The following LPAR1 variants were observed in gnomAD, a reference collection of about 807,000 sequenced individuals.
LPAR1 encodes LPA receptor 1.
In LPAR1, 5 loss-of-function variants were observed where a neutral mutation model predicts 23.8. The ratio of observed to expected loss-of-function variants is 0.21; its 90% confidence interval spans 0.11 to 0.44. The LOEUF (loss-of-function observed/expected upper bound fraction) is 0.44, where lower values mean the gene tolerates loss of function less well. Ranked by LOEUF, LPAR1 falls within the 20% of genes least tolerant of loss-of-function variation. The probability of loss-of-function intolerance (pLI) is 0.99; values close to 1 mark genes in which losing one functional copy is unlikely to be tolerated. For synonymous variants in LPAR1, 160 were observed against 164.7 expected (o/e 0.97, Z 0.22); for missense variants, 311 against 482.8 (o/e 0.64, Z 3.33).
chr9:110,910,212 G>A (rs993757131), intron 5 of LPAR1, among the ~76,000 whole-genome samples: 3 of 152,064 alleles, frequency 2.0e-5, no homozygotes, highest in Admixed American at 6.6e-5. Flanking sequence ...AAAGCGGCTG[G>A]TGTGTCTTTA....
chr9:110,972,685 G>T (rs138031532), intron 3 of LPAR1, among the ~76,000 whole-genome samples: 1 of 152,126 alleles, frequency 6.6e-6, no homozygotes, highest in Non-Finnish European at 1.5e-5. Context: ...AGTGGCTCAC[G>T]CCTATAATCT....
chr9:110,929,441 T>A (rs2094252072), intron 5 of LPAR1, among the ~76,000 whole-genome samples: 1 of 152,188 alleles, frequency 6.6e-6, no homozygotes, highest in African/African-American at 2.4e-5. Flanking sequence ...AGGGAAAAAT[T>A]CAATTTTGAC....
At chr9:111,033,336 C>T (rs756888731) in intron 2 of LPAR1, among the ~76,000 whole-genome samples, 113 of 152,094 alleles carry the variant, frequency 7.4e-4, no homozygotes, top group Non-Finnish European at 1.5e-3. Flanking sequence ...AAATCATCAC[C>T]ACCACCATGC....
chr9:110,926,019 C>G (rs770263323), intron 5 of LPAR1, among the ~76,000 whole-genome samples: 1 of 152,256 alleles, frequency 6.6e-6, no homozygotes, highest in African/African-American at 2.4e-5. Flanking sequence ...CTCCCGGGTT[C>G]GCGCCATTCT....
intron 1 of LPAR1, among the ~76,000 whole-genome samples, chr9:111,037,059 G>A (rs115982020): frequency 0.016 from 2,466 of 152,260 alleles, 56 homozygotes; most frequent in African/African-American, 0.056. Context: ...TTTTCCAAGT[G>A]TACAGTCTCC....
intron 5 of LPAR1, among the ~76,000 whole-genome samples, chr9:110,892,822 A>AGGCAGGC (rs1564386259): frequency 1.3e-3 from 111 of 86,222 alleles, no homozygotes; most frequent in East Asian, 5.7e-3. Context: ...GGAAGGAAGG[A>AGGCAGGC]AGGAAGGCAG....
At chr9:111,024,520 A>T (rs1184612055) in intron 2 of LPAR1, among the ~76,000 whole-genome samples, 1 of 146,960 alleles carries the variant, frequency 6.8e-6, no homozygotes, top group Admixed American at 6.9e-5. Context: ...ATATATATTT[A>T]TATATATGGG....
At chr9:111,008,173 CA>C (rs5899928) in intron 2 of LPAR1, among the ~76,000 whole-genome samples, 102 of 142,724 alleles carry the variant, frequency 7.1e-4, no homozygotes, top group East Asian at 1.2e-3. Flanking sequence ...GACTCCATCT[CA>C]AAAAAAAAAA....
chr9:110,893,526 T>A (rs2085237481), intron 5 of LPAR1, among the ~76,000 whole-genome samples: 1 of 152,232 alleles, frequency 6.6e-6, no homozygotes. Flanking sequence ...ATACCCTATG[T>A]GCATTACAAA....
chr9:111,018,560 T>C (rs918953097), intron 2 of LPAR1, among the ~76,000 whole-genome samples: 1 of 152,204 alleles, frequency 6.6e-6, no homozygotes, highest in Non-Finnish European at 1.5e-5. Context: ...GGATTCCAAC[T>C]AGATAAAATT....
chr9:110,912,023 T>C (rs1175905965), intron 5 of LPAR1, among the ~76,000 whole-genome samples: 1 of 152,048 alleles, frequency 6.6e-6, no homozygotes, highest in African/African-American at 2.4e-5. Flanking sequence ...GCAGAAACCC[T>C]TGGGTGATAG....
chr9:110,910,072 T>C (rs994048668), intron 5 of LPAR1, among the ~76,000 whole-genome samples: 4 of 152,130 alleles, frequency 2.6e-5, no homozygotes, highest in Admixed American at 6.6e-5. Context: ...TAGAGCAGGT[T>C]AGTTTCACAA....
intron 5 of LPAR1, among the ~76,000 whole-genome samples, chr9:110,928,048 T>A (rs2254824): frequency 0.57 from 86,716 of 151,878 alleles, 25,015 homozygotes; most frequent in East Asian, 0.63. Flanking sequence ...ACAATGGGTC[T>A]AAATGTCCCA....
chr9:110,889,710 C>T (rs2083482949), intron 5 of LPAR1, among the ~76,000 whole-genome samples: 1 of 152,148 alleles, frequency 6.6e-6, no homozygotes, highest in African/African-American at 2.4e-5. Context: ...CAGCTTTAGG[C>T]TTGTTTGCTG....
intron 2 of LPAR1, among the ~76,000 whole-genome samples, chr9:111,021,914 A>G (rs1346216388): frequency 6.8e-6 from 1 of 146,582 alleles, no homozygotes; most frequent in Non-Finnish European, 1.5e-5. Flanking sequence ...CAGTGAGCAG[A>G]GATCCCGCCA....
chr9:110,972,534 TAAAGGA>T (rs996690983), intron 3 of LPAR1, among the ~76,000 whole-genome samples: 2 of 152,032 alleles, frequency 1.3e-5, no homozygotes, highest in Non-Finnish European at 2.9e-5. Context: ...CATTAAATAA[TAAAGGA>T]ATTGAATAAT....
At chr9:111,031,195 C>A (rs1242361967) in intron 2 of LPAR1, among the ~76,000 whole-genome samples, 2 of 151,712 alleles carry the variant, frequency 1.3e-5, no homozygotes, top group Admixed American at 6.6e-5. Flanking sequence ...GTGTTTGTAT[C>A]CCTGAGTGAC....
At chr9:110,883,594 T>G (rs558509222) in intron 5 of LPAR1, among the ~76,000 whole-genome samples, 4 of 152,186 alleles carry the variant, frequency 2.6e-5, no homozygotes, top group Non-Finnish European at 5.9e-5. Context: ...ATATCATAAA[T>G]GTGATGCCCT....
intron 4 of LPAR1, among the ~76,000 whole-genome samples, chr9:110,949,429 T>C (rs545061530): frequency 6.6e-6 from 1 of 152,202 alleles, no homozygotes; most frequent in Non-Finnish European, 1.5e-5. Flanking sequence ...ATTGTTTCTA[T>C]TCTTTAATGC....
Sources: gnomAD v4.1 joint callset for allele counts (sites outside exome capture counted in the v4.1 genomes callset) on GRCh38, gnomAD v4.1.1 for gene constraint, MANE v1.5 for transcripts, NCBI Gene and HGNC (gene_info 2026-07-23, HGNC 2026-07-21) for gene names.